NUDCD1: variants seen among roughly 807,000 people sequenced by gnomAD.
The protein encoded by NUDCD1 is NudC domain containing 1.
In NUDCD1, 60 loss-of-function variants were observed where a neutral mutation model predicts 67.8. The observed-to-expected ratio is 0.88, with a 90% CI of 0.72 to 1.10. The LOEUF is 1.10. NUDCD1 is among the 50% of genes least tolerant of loss of function. The probability of loss-of-function intolerance (pLI) is 0.00; values close to 1 mark genes in which losing one functional copy is unlikely to be tolerated. For synonymous variants in NUDCD1, 244 were observed against 230.8 expected, an observed-to-expected ratio of 1.06 and a Z score of -0.52; for missense variants, 643 against 695.0, an observed-to-expected ratio of 0.93 and a Z score of 0.84.
chr8:109,325,338 A>T (rs755527073), intron 1 of NUDCD1, among the ~76,000 whole-genome samples: 12 of 152,232 alleles, frequency 7.9e-5, no homozygotes, highest in Non-Finnish European at 1.5e-4. Context: ...AGCGAGTACC[A>T]AAATAGCTAG....
At chr8:109,258,387 A>C (rs1813786490) in intron 8 of NUDCD1, among the ~76,000 whole-genome samples, 1 of 152,066 alleles carries the variant, frequency 6.6e-6, no homozygotes. Context: ...ATGCATAGCA[A>C]ATGATAATAA....
intron 7 of NUDCD1, among the ~76,000 whole-genome samples, chr8:109,273,811 T>C (rs1357195368): frequency 3.3e-5 from 5 of 152,066 alleles, no homozygotes; most frequent in African/African-American, 1.2e-4. Flanking sequence ...CTAATCATTT[T>C]ACAAGGTTAT....
intron 2 of NUDCD1, chr8:109,315,972 C>A (rs942967179): frequency 7.2e-5 from 11 of 152,128 alleles, no homozygotes; most frequent in African/African-American, 2.7e-4. Flanking sequence ...TATATTCTTA[C>A]AAATGAAATC....
At chr8:109,268,291 C>G (rs77024834) in intron 8 of NUDCD1, among the ~76,000 whole-genome samples, 5,623 of 152,142 alleles carry the variant, frequency 0.037, 147 homozygotes, top group Middle Eastern at 0.068. Context: ...CTATAAGGAG[C>G]TAGAGGCCTC....
At chr8:109,245,189 C>A (rs988274661) in intron 9 of NUDCD1, 133 bp downstream of exon 9, 15 of 841,138 alleles carry the variant, frequency 1.8e-5, no homozygotes, top group Non-Finnish European at 2.5e-5. Context: ...TACAAGCAAA[C>A]AAATCATAGC....
At chr8:109,284,778 T>G (rs1281162701) in intron 5 of NUDCD1, among the ~76,000 whole-genome samples, 1 of 150,536 alleles carries the variant, frequency 6.6e-6, no homozygotes, top group Non-Finnish European at 1.5e-5. Flanking sequence ...AAAAACAAAT[T>G]AACACCAAAG....
intron 4 of NUDCD1, among the ~76,000 whole-genome samples, chr8:109,292,929 AAAT>A (rs1814742168): frequency 6.6e-6 from 1 of 152,086 alleles, no homozygotes; most frequent in African/African-American, 2.4e-5. Context: ...TACTTTAATG[AAAT>A]AAAGACATTC....
chr8:109,247,138 C>T (rs979243158), intron 8 of NUDCD1, among the ~76,000 whole-genome samples: 3 of 152,160 alleles, frequency 2.0e-5, no homozygotes, highest in African/African-American at 7.2e-5. Context: ...AAAGTCACCA[C>T]TACCTAACTG....
intron 8 of NUDCD1, among the ~76,000 whole-genome samples, chr8:109,252,587 G>A (rs542935376): frequency 4.6e-5 from 7 of 152,286 alleles, no homozygotes; most frequent in South Asian, 2.1e-4. Context: ...CTTTAAGTGT[G>A]AGCAACTTCC....
In NUDCD1 at chr8:109,290,131, G is replaced by C. The variant is rs543943710; in HGVS notation, c.641-198C>G. 3.6e-3 allele frequency among the ~76,000 whole-genome samples: 551 copies of C among 152,076 alleles called. 5 individuals are homozygous for C. In the South Asian group the frequency reaches 0.036, roughly 10 times the overall value. On this transcript the variant is annotated intron_variant, in intron 4 of 9. Transcript: ENST00000239690. ...AAATAAGTCCCTATTTTAAAATATT[G>C]GGTCTGGTGAAATTTGTTCCCGATT...
chr8:109,278,627 C>A (rs1814354768), intron 6 of NUDCD1, among the ~76,000 whole-genome samples: 1 of 152,168 alleles, frequency 6.6e-6, no homozygotes, highest in Admixed American at 6.5e-5. Context: ...TTTGCCAGTT[C>A]TAGAACTCCA....
At chr8:109,322,088 T>C (rs1486888177) in intron 2 of NUDCD1, among the ~76,000 whole-genome samples, 1 of 152,122 alleles carries the variant, frequency 6.6e-6, no homozygotes, top group East Asian at 1.9e-4. Context: ...TGAGAGTTGC[T>C]GCCCAATGGT....
At chr8:109,271,157 A>G (rs754224197) in intron 7 of NUDCD1, 27 bp from the exon 8 acceptor site, 19 of 1,462,582 alleles carry the variant, frequency 1.3e-5, no homozygotes, top group South Asian at 2.6e-5. Flanking sequence ...AAATAAGTAA[A>G]TAAGTAAAAC....
chr8:109,313,414 C>T (rs905334200), intron 2 of NUDCD1, among the ~76,000 whole-genome samples: 2 of 152,020 alleles, frequency 1.3e-5, no homozygotes, highest in East Asian at 1.9e-4. Context: ...TATCATGATA[C>T]GACAGCACAA....
chr8:109,298,941 A>C (rs1173054181), intron 2 of NUDCD1: 1 of 152,350 alleles, frequency 6.6e-6, no homozygotes, highest in Admixed American at 6.5e-5. Flanking sequence ...TGAGTACCCA[A>C]ACTGTGGAAG....
chr8:109,256,180 C>A (rs1813733211), intron 8 of NUDCD1, among the ~76,000 whole-genome samples: 2 of 152,090 alleles, frequency 1.3e-5, no homozygotes, highest in Admixed American at 1.3e-4. Flanking sequence ...GCCTTGGTGA[C>A]AGAGCGATAC....
At chr8:109,243,654 T>C (rs1436695740) in intron 9 of NUDCD1, among the ~76,000 whole-genome samples, 2 of 152,186 alleles carry the variant, frequency 1.3e-5, no homozygotes, top group African/African-American at 4.8e-5. Flanking sequence ...CAATTTAATA[T>C]TTAGCTTCGT....
At chr8:109,301,814 C>T (rs936746664) in intron 2 of NUDCD1, among the ~76,000 whole-genome samples, 1 of 152,238 alleles carries the variant, frequency 6.6e-6, no homozygotes, top group Non-Finnish European at 1.5e-5. Context: ...GTCATGGACT[C>T]GGGAAGACAG....
At chr8:109,316,435 G>A (rs1815396941) in intron 2 of NUDCD1, 1 of 152,088 alleles carries the variant, frequency 6.6e-6, no homozygotes, top group African/African-American at 2.4e-5. Flanking sequence ...CAACAGTTCA[G>A]GTTTAACAAA....
Sources: gnomAD v4.1 joint callset for allele counts (sites outside exome capture counted in the v4.1 genomes callset) on GRCh38, gnomAD v4.1.1 for gene constraint, MANE v1.5 for transcripts, NCBI Gene and HGNC (gene_info 2026-07-23, HGNC 2026-07-21) for gene names.